MIGA2: variants seen among roughly 807,000 people sequenced by gnomAD.
MIGA2 encodes the protein mitoguardin 2.
Under a neutral mutation model 69.9 loss-of-function variants are expected in MIGA2, and 36 were observed. The ratio of observed to expected loss-of-function variants is 0.52; its 90% CI spans 0.39 to 0.68. The LOEUF (loss-of-function observed/expected upper bound fraction) is 0.68, where lower values mean the gene tolerates loss of function less well. Ranked by LOEUF, MIGA2 falls within the 30% of genes least tolerant of loss-of-function variation. The pLI is 0.00. For synonymous variants in MIGA2, 333 were observed against 349.2 expected, an observed-to-expected ratio of 0.95 and a Z score of 0.52; for missense variants, 660 against 787.7, an observed-to-expected ratio of 0.84 and a Z score of 1.94.
intron 6 of MIGA2, among the ~76,000 whole-genome samples, chr9:129,052,045 C>G (rs1173549613): frequency 6.6e-6 from 1 of 152,040 alleles, no homozygotes; most frequent in East Asian, 1.9e-4. Flanking sequence ...CCAGGATGGG[C>G]TTGATCTCCT....
intron 11 of MIGA2, among the ~76,000 whole-genome samples, chr9:129,066,853 C>T (rs1370811061): frequency 1.7e-4 from 23 of 136,054 alleles, no homozygotes; most frequent in African/African-American, 3.4e-4. Context: ...CCCAGCTACT[C>T]GGGAGGCTGA....
chr9:129,064,789 T>C lies in MIGA2; in HGVS notation c.1170+1158T>C, dbSNP rs1329390225. On this transcript the variant is annotated intron_variant, in intron 11 of 15. Coordinates refer to ENST00000684074, the MANE Select transcript of MIGA2 (RefSeq NM_001329990.2). ...GGAACACTGTTGCTCAATCTTGTTT[T>C]TTTTTTTTTTGAGACAGGGTTTCAC... is the stretch of plus-strand genomic sequence containing the variant. 2.0e-5 allele frequency among the ~76,000 whole-genome samples: 3 copies of C among 151,862 alleles called. No homozygotes were observed. In the East Asian group the frequency reaches 5.8e-4, roughly 29 times the overall value.
rs746835757 is a variant in MIGA2, at chr9:129,069,637, A to G, written c.1459-212A>G. ...CTTCCCGCGGAGCCACTATGGCCCC[A>G]CCTCTTGCAGTACTCACAGCGGCCC... is the stretch of plus-strand genomic sequence containing the variant. On this transcript the variant is annotated intron_variant, in intron 14 of 15. Coordinates refer to ENST00000684074, the MANE Select transcript of MIGA2 (RefSeq NM_001329990.2). The surrounding 1 kb of genome is among the most constrained non-coding windows in gnomAD (Gnocchi z 4.9). The G allele has an allele frequency of 3.4e-4, 201 of 591,960 alleles. No individual in the cohort carries two copies. The highest frequency in any genetic ancestry group is 5.8e-4 in the Non-Finnish European group (192 of 329,228). The allele number at this position is 591,960 out of a possible 1,614,324, so 36.7% of individuals were successfully genotyped here.
At chr9:129,070,131 G>C (rs1317484364) in intron 15 of MIGA2, 116 bp from the exon 16 acceptor site, 9 of 1,316,904 alleles carry the variant, frequency 6.8e-6, no homozygotes, top group Non-Finnish European at 9.6e-6. Flanking sequence ...GAGGAGCCTG[G>C]GGATGGAAAG....
At chr9:129,065,157 C>T (rs1846277880) in intron 11 of MIGA2, among the ~76,000 whole-genome samples, 3 of 151,048 alleles carry the variant, frequency 2.0e-5, no homozygotes, top group South Asian at 2.1e-4. Flanking sequence ...AGGATTTGGC[C>T]GGGCATGGTG....
chr9:129,047,580 T>G (rs1845295854), intron 3 of MIGA2, among the ~76,000 whole-genome samples: 1 of 151,922 alleles, frequency 6.6e-6, no homozygotes, highest in African/African-American at 2.4e-5. Context: ...ATCTGGCTAA[T>G]TTGTGTATTT....
chr9:129,056,861 C>T (rs1426879722), intron 6 of MIGA2, among the ~76,000 whole-genome samples: 2 of 152,028 alleles, frequency 1.3e-5, no homozygotes, highest in African/African-American at 4.8e-5. Context: ...TGGTGAAACC[C>T]CACCTTTACT....
intron 6 of MIGA2, among the ~76,000 whole-genome samples, chr9:129,050,238 G>T (rs1222417035): frequency 6.6e-6 from 1 of 152,174 alleles, no homozygotes; most frequent in Non-Finnish European, 1.5e-5. Flanking sequence ...AGGCGCCTCT[G>T]TTGAGGGTTG....
At chr9:129,062,531 CAAAAA>C (rs1161024946) in intron 9 of MIGA2, among the ~76,000 whole-genome samples, 1 of 42,542 alleles carries the variant, frequency 2.4e-5, no homozygotes, top group Non-Finnish European at 4.8e-5. Flanking sequence ...GACTCCATCT[CAAAAA>C]AAAAAAAAAA....
At chr9:129,046,882 G>T (rs1016047213) in intron 3 of MIGA2, among the ~76,000 whole-genome samples, 2 of 151,648 alleles carry the variant, frequency 1.3e-5, no homozygotes, top group African/African-American at 4.8e-5. Flanking sequence ...AGGATCAAGC[G>T]ATTCTCCTGC....
At position 129,068,639 on chromosome 9, in the gene MIGA2, G is replaced by C. The variant is rs1273106617; in HGVS notation, c.1404+307G>C. ...CCTGTTAAATCAAGTTAAAAGAGGGGAAAGCAAAACCAAAAGGAAAAAAAG... is the reference window on the plus strand; with the variant it reads ...CCTGTTAAATCAAGTTAAAAGAGGGCAAAGCAAAACCAAAAGGAAAAAAAG... On this transcript the variant is annotated intron_variant, in intron 13 of 15. Transcript: ENST00000684074. The surrounding 1 kb of genome is among the most constrained non-coding windows in gnomAD (Gnocchi z 4.1). 4 of 429,184 alleles carry C rather than the reference G, an allele frequency of 9.3e-6. No individual in the cohort carries two copies. The highest frequency in any genetic ancestry group is 1.7e-5 in the Non-Finnish European group (4 of 235,826). 26.6% of individuals were successfully genotyped at this position (429,184 alleles called of 1,614,324 possible). A position where few individuals can be genotyped will look rare whatever the true frequency, so the allele number is the denominator to read the frequency against.
intron 15 of MIGA2, 104 bp downstream of exon 15, chr9:129,070,069 CAG>C (rs1342076390): frequency 9.5e-6 from 12 of 1,268,136 alleles, no homozygotes; most frequent in Non-Finnish European, 1.3e-5. Flanking sequence ...GGCCTGCTCC[CAG>C]AGAGAGGGCA....
intron 6 of MIGA2, among the ~76,000 whole-genome samples, chr9:129,057,754 C>T (rs148293786): frequency 0.03 from 4,553 of 152,112 alleles, 159 homozygotes; most frequent in South Asian, 0.099. Flanking sequence ...TACAGGCACA[C>T]GCCACCACGC....
Position 129,070,726 on chromosome 9 carries a change from G to C in MIGA2, c.*273G>C, listed in dbSNP as rs1488598964. On this transcript the variant is annotated 3_prime_UTR_variant, in exon 16 of 16. Transcript: ENST00000684074. ...GGACAGGCAGAGCCAGGATGCCCCA[G>C]GTGGGGGACCCCAAAACCTCCCATC... 2.0e-6 allele frequency: 1 copy of C among 490,966 alleles called. No homozygotes were observed. The highest frequency in any genetic ancestry group is 1.9e-5 in the African/African-American group (1 of 52,412). The allele number at this position is 490,966 out of a possible 1,614,324, so 30.4% of individuals were successfully genotyped here. A position where few individuals can be genotyped will look rare whatever the true frequency, so the allele number is the denominator to read the frequency against.
chr9:129,041,777 C>T (rs1844919612), intron 2 of MIGA2, among the ~76,000 whole-genome samples: 2 of 152,118 alleles, frequency 1.3e-5, no homozygotes, highest in Admixed American at 1.3e-4. Context: ...GCTCCCAGGC[C>T]TGGGGGGCAG....
intron 11 of MIGA2, 23 bp downstream of exon 11, chr9:129,063,654 G>GGGGGGGGGGGGGGGCC: frequency 2.3e-6 from 2 of 863,564 alleles, no homozygotes; most frequent in Non-Finnish European, 3.9e-6. Context: ...GGGGTGGGGG[G>GGGGGGGGGGGGGGGCC]GCAAATTATA....
At chr9:129,065,342 T>A (rs1011104403) in intron 11 of MIGA2, among the ~76,000 whole-genome samples, 6 of 151,606 alleles carry the variant, frequency 4.0e-5, no homozygotes, top group Non-Finnish European at 1.5e-5. Context: ...CCAAAAAGTA[T>A]CTATAGGATT....
chr9:129,042,790 C>T (rs544963518), intron 3 of MIGA2, among the ~76,000 whole-genome samples: 14 of 152,148 alleles, frequency 9.2e-5, no homozygotes, highest in South Asian at 6.2e-4. Flanking sequence ...CAGAGGGGGT[C>T]GGGGATGTGG....
Position 129,049,958 on chromosome 9 carries a change from T to C in MIGA2, c.670T>C (p.Ser224Pro). ...CCCAGAGACTGCATCAGAGCCACTG[T>C]CTGAGGTAGGTGGTCTTCTGCATCC... ...RNPETASEPL[S>P]EPESQRKEFA... is the part of the protein sequence containing the mutation. Residue 224 changes from serine (S) to proline (P), a missense_variant, in exon 6 of 16, where the codon TCT becomes CCT. By Grantham distance (74) the Ser-to-Pro change is moderately conservative. Transcript: ENST00000684074. The C allele has an allele frequency of 6.2e-7, 1 of 1,611,980 alleles. No homozygotes were observed. The highest frequency in any genetic ancestry group is 8.5e-7 in the Non-Finnish European group (1 of 1,179,176).
Sources: allele counts gnomAD v4.1 joint callset (sites outside exome capture counted in the v4.1 genomes callset), GRCh38; gene constraint gnomAD v4.1.1; non-coding constraint Gnocchi (gnomAD v3.1); transcripts MANE v1.5; gene names NCBI Gene and HGNC (gene_info 2026-07-23, HGNC 2026-07-21).